Variants in RBM20 observed in about 807,000 individuals in gnomAD.
The protein encoded by RBM20 is RNA-binding protein 20.
Under a neutral mutation model 110.1 loss-of-function variants are expected in RBM20, and 51 were observed. The ratio of observed to expected loss-of-function variants is 0.46; its 90% confidence interval spans 0.37 to 0.59. RBM20 has a LOEUF of 0.59. Among genes scored for constraint, RBM20 ranks in the 20% least tolerant of loss-of-function variants. The probability of loss-of-function intolerance (pLI) is 0.00; values close to 1 mark genes in which losing one functional copy is unlikely to be tolerated. For synonymous variants in RBM20, 589 were observed against 618.2 expected (o/e 0.95, Z 0.70); for missense variants, 1,512 against 1,574.9 (o/e 0.96, Z 0.68).
Position 110,837,076 on chromosome 10 carries a change from C to A in RBM20, c.*1098C>A, listed in dbSNP as rs1845141210. 1 of 152,244 alleles carries A rather than the reference C, an allele frequency of 6.6e-6. No homozygotes were observed. Among genetic ancestry groups the A allele is most frequent in the African/African-American group, 2.4e-5 (1 of 41,448 alleles). 9.4% of individuals were successfully genotyped at this position (152,244 alleles called of 1,614,324 possible). A position where few individuals can be genotyped will look rare whatever the true frequency, so the allele number is the denominator to read the frequency against. ...GTAGGATGGTTTTTAAATGGCCCCC[C>A]AGTTGGGGGAGAAGCTAAGGAAAGA... On this transcript the variant is annotated 3_prime_UTR_variant, in exon 14 of 14. Transcript: ENST00000369519.
chr10:110,727,411 A>T (rs1007276686), intron 1 of RBM20, among the ~76,000 whole-genome samples: 1 of 74,172 alleles, frequency 1.3e-5, no homozygotes, highest in African/African-American at 5.1e-5. Flanking sequence ...AAAAATAAAA[A>T]TAAAAAAAAA....
At chr10:110,761,986 C>T (rs985868382) in intron 1 of RBM20, among the ~76,000 whole-genome samples, 1 of 152,224 alleles carries the variant, frequency 6.6e-6, no homozygotes, top group Admixed American at 6.5e-5. Flanking sequence ...GCCTGCGGAT[C>T]ACCTGAGGTC....
chr10:110,831,677 A>AAAC (rs1554844398), intron 13 of RBM20, among the ~76,000 whole-genome samples: 11 of 139,722 alleles, frequency 7.9e-5, no homozygotes, highest in Non-Finnish European at 1.6e-4. Context: ...AAAAAAAAAA[A>AAAC]AAAAAAAAAA....
intron 1 of RBM20, among the ~76,000 whole-genome samples, chr10:110,672,573 G>T (rs1350678629): frequency 6.6e-6 from 1 of 152,240 alleles, no homozygotes; most frequent in Non-Finnish European, 1.5e-5. Flanking sequence ...CGGAAGCTGC[G>T]CGCTCGCGCC....
rs1695186546 is a variant in RBM20 at position 110,812,899 on chromosome 10, C to T, written c.2502C>T (p.Asp834=). The T allele has an allele frequency of 6.9e-7, 1 of 1,459,210 alleles. No individual in the cohort carries two copies. The highest frequency in any genetic ancestry group is 2.8e-5 in the Admixed American group (1 of 35,232). The allele number at this position is 1,459,210 out of a possible 1,614,324, so 90.4% of individuals were successfully genotyped here. A position where few individuals can be genotyped will look rare whatever the true frequency, so the allele number is the denominator to read the frequency against. The part of the protein sequence containing the change: ...EKNKTKRTDR[D]QEGADDRKEN... ...ATAAAACCAAGAGAACTGATAGAGA[C>T]CAAGAAGGAGCTGATGATAGAAAAG... The change falls in exon 9 of 14, where the codon GAC becomes GAT. Residue 834 remains aspartate (D), a synonymous_variant. Transcript: ENST00000369519.
chr10:110,774,170 T>A (rs1028988346), intron 1 of RBM20, among the ~76,000 whole-genome samples: 2 of 152,230 alleles, frequency 1.3e-5, no homozygotes, highest in Non-Finnish European at 2.9e-5. Flanking sequence ...CATATTTGAC[T>A]TAGCTGTCCA....
At chr10:110,780,724 C>A in intron 1 of RBM20, 77 bp from the exon 2 acceptor site, 1 of 1,432,292 alleles carries the variant, frequency 7.0e-7, no homozygotes, top group Non-Finnish European at 9.2e-7. Context: ...GGAGGGGGGA[C>A]CACAGATAAC....
At chr10:110,674,922 A>T (rs189951030) in intron 1 of RBM20, among the ~76,000 whole-genome samples, 1 of 152,250 alleles carries the variant, frequency 6.6e-6, no homozygotes, top group African/African-American at 2.4e-5. Context: ...AATATATCAT[A>T]TACTGTCCTC....
At position 110,821,481 on chromosome 10, in the gene RBM20, C is replaced by T. The variant is rs751775695; in HGVS notation, c.2862C>T (p.Asp954=). The change falls in exon 11 of 14, where the codon GAC becomes GAT. Residue 954 remains aspartate (D), a synonymous_variant. Transcript: ENST00000369519. The part of the protein sequence containing the change: ...ETCLCVTTTL[D]LDLAQDFPKE... Reference sequence around the variant, plus strand: ...GTCTGTGTGTGACAACCACCTTAGACTTAGACCTGGCCCAGGATTTCCCCA... The same window carrying T: ...GTCTGTGTGTGACAACCACCTTAGATTTAGACCTGGCCCAGGATTTCCCCA... 2.0e-5 allele frequency: 31 copies of T among 1,551,796 alleles called. No individual in the cohort carries two copies. In the Admixed American group the frequency reaches 3.7e-4, roughly 19 times the overall value.
intron 4 of RBM20, 126 bp from the exon 5 acceptor site, chr10:110,784,666 A>G (rs1426947287): frequency 8.2e-6 from 6 of 736,154 alleles, no homozygotes; most frequent in Middle Eastern, 2.3e-4. Context: ...CAGAGGTACA[A>G]TCATGCCAAT....
chr10:110,726,452 A>G (rs1843561210), intron 1 of RBM20, among the ~76,000 whole-genome samples: 1 of 152,000 alleles, frequency 6.6e-6, no homozygotes, highest in South Asian at 2.1e-4. Flanking sequence ...AGGCAGTATT[A>G]CTCTGCACCC....
chr10:110,782,803 C>T (rs2135046897), intron 2 of RBM20, among the ~76,000 whole-genome samples: 1 of 152,274 alleles, frequency 6.6e-6, no homozygotes, highest in South Asian at 2.1e-4. Flanking sequence ...GTGTGAGTCA[C>T]ACTGCAGCAT....
chr10:110,747,289 C>CT (rs199970047), intron 1 of RBM20, among the ~76,000 whole-genome samples: 18,243 of 136,632 alleles, frequency 0.13, 1,236 homozygotes, highest in African/African-American at 0.16. Context: ...TTTAAAAACT[C>CT]TTTTTTTGGG....
chr10:110,653,607 G>C lies in RBM20; in HGVS notation c.191+8962G>C, dbSNP rs545459457. On this transcript the variant is annotated intron_variant, in intron 1 of 13. Transcript: ENST00000369519. ...GGGTCTCACTCTGTCACTGAGGCTG[G>C]AGTACAGGGTGCAATCACAGCTCAC... Among the ~76,000 whole-genome samples the C allele has an allele frequency of 2.6e-5, 4 of 151,802 alleles. No homozygotes were observed. In the East Asian group the frequency reaches 7.7e-4, roughly 29 times the overall value.
At chr10:110,813,275 C>A (rs937314944) in intron 9 of RBM20, among the ~76,000 whole-genome samples, 7 of 152,208 alleles carry the variant, frequency 4.6e-5, no homozygotes, top group Admixed American at 4.6e-4. Flanking sequence ...TCCCATGGCA[C>A]CTGTTGCCTT....
chr10:110,685,909 G>T (rs150731730), intron 1 of RBM20, among the ~76,000 whole-genome samples: 2 of 152,230 alleles, frequency 1.3e-5, no homozygotes, highest in African/African-American at 2.4e-5. Flanking sequence ...GCACAGTGAC[G>T]CAGGCTGACA....
intron 1 of RBM20, among the ~76,000 whole-genome samples, chr10:110,753,435 CTCA>C (rs528409526): frequency 2.4e-4 from 37 of 152,308 alleles, no homozygotes; most frequent in Admixed American, 2.2e-3. Flanking sequence ...TTTGGATTTA[CTCA>C]TCATGCATCT....
chr10:110,670,524 G>A (rs564380935), intron 1 of RBM20, among the ~76,000 whole-genome samples: 3 of 152,328 alleles, frequency 2.0e-5, no homozygotes, highest in Admixed American at 6.5e-5. Flanking sequence ...GGGCATTGAT[G>A]CTAGGCCTGG....
intron 1 of RBM20, among the ~76,000 whole-genome samples, chr10:110,753,452 ACTTT>A (rs1489839147): frequency 4.6e-5 from 7 of 152,188 alleles, no homozygotes; most frequent in African/African-American, 1.7e-4. Context: ...TGCATCTGTC[ACTTT>A]CTTTGCTCTT....
Sources: allele counts gnomAD v4.1 joint callset (sites outside exome capture counted in the v4.1 genomes callset), GRCh38; gene constraint gnomAD v4.1.1; transcripts MANE v1.5; gene names NCBI Gene and HGNC (gene_info 2026-07-23, HGNC 2026-07-21).